Variants in ARL3 observed in about 807,000 individuals in gnomAD.
ARL3 encodes the protein ADP-ribosylation factor-like protein 3.
Under a neutral mutation model 26.0 loss-of-function variants are expected in ARL3, and 9 were observed. That is an observed-to-expected ratio of 0.35 (90% confidence interval 0.21 to 0.60). The LOEUF is 0.60. ARL3 is among the 20% of genes least tolerant of loss of function. The probability of loss-of-function intolerance (pLI) is 0.78; values close to 1 mark genes in which losing one functional copy is unlikely to be tolerated. For missense variants in ARL3, 158 were observed against 215.7 expected (o/e 0.73, Z 1.67); for synonymous variants, 71 against 78.4 (o/e 0.91, Z 0.50).
chr10:102,689,822 T>G, intron 4 of ARL3, 71 bp downstream of exon 4: 1 of 994,754 alleles, frequency 1.0e-6, no homozygotes, highest in African/African-American at 1.7e-5. Context: ...GAGCAAAAAC[T>G]CCGTCTCAAA....
intron 4 of ARL3, among the ~76,000 whole-genome samples, chr10:102,687,240 C>CT (rs201933967): frequency 5.0e-4 from 71 of 142,876 alleles, no homozygotes; most frequent in Admixed American, 1.3e-3. Flanking sequence ...TCACAGATCA[C>CT]TTTTTTTTTT....
chr10:102,684,770 C>G (rs1245068900), intron 5 of ARL3, among the ~76,000 whole-genome samples: 1 of 151,944 alleles, frequency 6.6e-6, no homozygotes, highest in African/African-American at 2.4e-5. Flanking sequence ...TCCCAAGTAG[C>G]TGGGATTACA....
intron 1 of ARL3, among the ~76,000 whole-genome samples, chr10:102,708,908 A>ATATATATATATATTTTT: frequency 1.5e-3 from 146 of 95,226 alleles, no homozygotes; most frequent in African/African-American, 5.7e-3. Flanking sequence ...ATATATATAT[A>ATATATATATATATTTTT]TTTTTTTTTT....
At chr10:102,712,897 T>TA (rs201077018) in intron 1 of ARL3, among the ~76,000 whole-genome samples, 2,550 of 151,178 alleles carry the variant, frequency 0.017, 31 homozygotes, top group Middle Eastern at 0.058. Flanking sequence ...AGCCTGAGGT[T>TA]AAAAAAAAAC....
Position 102,699,364 on chromosome 10 carries a change from A to G in ARL3, c.264+9T>C. ...TACTATGAATTAGTGCGTCAGAAGG[A>G]GTACTTACAAGAATATCGGTATTTT... On this transcript the variant is annotated intron_variant, in intron 3 of 5. Transcript: ENST00000260746. 9 of 1,489,100 alleles carry G rather than the reference A, an allele frequency of 6.0e-6. No individual in the cohort carries two copies. Among genetic ancestry groups the G allele is most frequent in the Non-Finnish European group, 8.4e-6 (9 of 1,066,672 alleles). 92.2% of individuals were successfully genotyped at this position (1,489,100 alleles called of 1,614,324 possible).
intron 3 of ARL3, among the ~76,000 whole-genome samples, chr10:102,696,364 C>G (rs938468385): frequency 6.7e-6 from 1 of 149,484 alleles, no homozygotes; most frequent in African/African-American, 2.5e-5. Context: ...CTCCCTGATT[C>G]AAGCAATTCT....
intron 3 of ARL3, 136 bp from the exon 4 acceptor site, chr10:102,690,079 A>G (rs61869211): frequency 0.26 from 128,902 of 499,678 alleles, 18,546 homozygotes; most frequent in South Asian, 0.34. Context: ...GGTGAGTCTC[A>G]TCTCATTTAT....
At chr10:102,684,795 T>C (rs2064174034) in intron 5 of ARL3, among the ~76,000 whole-genome samples, 1 of 151,696 alleles carries the variant, frequency 6.6e-6, no homozygotes, top group African/African-American at 2.4e-5. Context: ...TGCACCACCA[T>C]GTCCGGCTGA....
At chr10:102,698,954 G>C (rs1010223332) in intron 3 of ARL3, among the ~76,000 whole-genome samples, 3 of 152,032 alleles carry the variant, frequency 2.0e-5, no homozygotes, top group Non-Finnish European at 4.4e-5. Context: ...TCTTTTCCAG[G>C]AATAACATTC....
At chr10:102,678,195 G>T (rs1174655874) in intron 5 of ARL3, among the ~76,000 whole-genome samples, 1 of 152,106 alleles carries the variant, frequency 6.6e-6, no homozygotes, top group Non-Finnish European at 1.5e-5. Context: ...AGATGAGGCC[G>T]GTGGCGCCGA....
chr10:102,676,020 C>T lies in ARL3; in HGVS notation c.*874G>A, dbSNP rs528770714. 4.6e-5 allele frequency: 7 copies of T among 152,692 alleles called. No homozygotes were observed. The highest frequency in any genetic ancestry group is 4.1e-4 in the South Asian group (2 of 4,824). The allele number at this position is 152,692 out of a possible 1,614,324, so 9.5% of individuals were successfully genotyped here. ...TGGAGAAGCCAGCTAATCTCAGAGT[C>T]GGCTGCTCACTGCTCCACTGAGCTG... On this transcript the variant is annotated 3_prime_UTR_variant, in exon 6 of 6. Coordinates refer to ENST00000260746, the MANE Select transcript of ARL3 (RefSeq NM_004311.4).
chr10:102,676,592 T>C lies in ARL3; in HGVS notation c.*302A>G, dbSNP rs1252341460. The stretch of plus-strand genomic sequence containing the variant: ...CCCACTGGAATTGTCTAAACTGCAA[T>C]GCAATCTCTTGCTCATTTAAAAGAT... On this transcript the variant is annotated 3_prime_UTR_variant, in exon 6 of 6. Coordinates refer to ENST00000260746, the MANE Select transcript of ARL3 (RefSeq NM_004311.4). The C allele has an allele frequency of 1.8e-5, 4 of 218,258 alleles. No homozygotes were observed. Among genetic ancestry groups the C allele is most frequent in the Admixed American group, 5.9e-5 (1 of 16,816 alleles). 13.5% of individuals were successfully genotyped at this position (218,258 alleles called of 1,614,324 possible).
At chr10:102,690,936 G>A (rs1441201524) in intron 3 of ARL3, among the ~76,000 whole-genome samples, 2 of 148,678 alleles carry the variant, frequency 1.3e-5, no homozygotes, top group Non-Finnish European at 3.0e-5. Context: ...ACCCAGGCTG[G>A]TCTCAGACTC....
At chr10:102,701,637 T>C (rs2064279952) in intron 2 of ARL3, among the ~76,000 whole-genome samples, 1 of 152,192 alleles carries the variant, frequency 6.6e-6, no homozygotes. Context: ...TCAAACTCAG[T>C]AATACTGAAT....
At chr10:102,678,307 G>A (rs1357802327) in intron 5 of ARL3, among the ~76,000 whole-genome samples, 1 of 152,068 alleles carries the variant, frequency 6.6e-6, no homozygotes, top group Non-Finnish European at 1.5e-5. Context: ...ATTACAATGG[G>A]GTCAGCTACT....
At chr10:102,679,031 T>C (rs1357282643) in intron 5 of ARL3, among the ~76,000 whole-genome samples, 1 of 152,168 alleles carries the variant, frequency 6.6e-6, no homozygotes, top group East Asian at 1.9e-4. Context: ...ACAGGGAGCG[T>C]AAACAGGGGA....
intron 5 of ARL3, among the ~76,000 whole-genome samples, chr10:102,685,001 A>G (rs1251617066): frequency 6.6e-6 from 1 of 150,512 alleles, no homozygotes; most frequent in Non-Finnish European, 1.5e-5. Flanking sequence ...TAATCCCAGC[A>G]CTTTGGGAGG....
At chr10:102,692,917 C>T (rs1315986998) in intron 3 of ARL3, among the ~76,000 whole-genome samples, 1 of 152,064 alleles carries the variant, frequency 6.6e-6, no homozygotes, top group Non-Finnish European at 1.5e-5. Flanking sequence ...AGGATGGTCT[C>T]GATCTCCTGA....
intron 1 of ARL3, among the ~76,000 whole-genome samples, chr10:102,710,682 T>G (rs2064333858): frequency 1.3e-5 from 2 of 152,180 alleles, no homozygotes; most frequent in South Asian, 4.1e-4. Flanking sequence ...AATAAAACAA[T>G]TTAAGAAACA....
Sources: gnomAD v4.1 joint callset for allele counts (sites outside exome capture counted in the v4.1 genomes callset) on GRCh38, gnomAD v4.1.1 for gene constraint, MANE v1.5 for transcripts, NCBI Gene and HGNC (gene_info 2026-07-23, HGNC 2026-07-21) for gene names.